Variants in DYNC1I1 observed in about 807,000 individuals in gnomAD.
DYNC1I1 encodes the protein dynein cytoplasmic 1 intermediate chain 1, also known as cytoplasmic dynein 1 intermediate chain 1.
In DYNC1I1, 43 loss-of-function variants were observed where a neutral mutation model predicts 86.6. That is an observed-to-expected ratio of 0.50 (90% CI 0.39 to 0.64). DYNC1I1 has a LOEUF of 0.64. DYNC1I1 is among the 30% of genes least tolerant of loss of function. The pLI is 0.00. For missense variants in DYNC1I1, 604 were observed against 788.8 expected (o/e 0.77, Z 2.81); for synonymous variants, 262 against 283.7 (o/e 0.92, Z 0.77).
intron 6 of DYNC1I1, among the ~76,000 whole-genome samples, chr7:95,947,827 T>C (rs1284458911): frequency 6.6e-6 from 1 of 152,144 alleles, no homozygotes; most frequent in African/African-American, 2.4e-5. Context: ...GAAAAACACC[T>C]TTTCAAGCAT....
rs374207801 is a variant in DYNC1I1, at chr7:95,967,549, G to C, written c.491-9963G>C. ...GTGTATTGCCAAATGCCACCTCTCA[G>C]TAAGGACCTCCCTTGCTCTCTGTGT... is the stretch of plus-strand genomic sequence containing the variant. On this transcript the variant is annotated intron_variant, in intron 6 of 16. Transcript: ENST00000447467. Among the ~76,000 whole-genome samples the C allele has an allele frequency of 2.0e-4, 31 of 152,282 alleles. No homozygotes were observed. In the East Asian group the frequency reaches 3.9e-3, roughly 19 times the overall value.
chr7:95,916,869 C>G (rs149817449), intron 6 of DYNC1I1, among the ~76,000 whole-genome samples: 2 of 152,160 alleles, frequency 1.3e-5, no homozygotes, highest in African/African-American at 2.4e-5. Context: ...GCAATCAGAA[C>G]GAGAAAACTG....
intron 5 of DYNC1I1, among the ~76,000 whole-genome samples, chr7:95,859,294 TCAGG>T (rs1454953268): frequency 3.9e-5 from 6 of 152,122 alleles, no homozygotes; most frequent in Admixed American, 6.6e-5. Flanking sequence ...GAATTCTTTG[TCAGG>T]CAGTTCATAT....
chr7:95,935,094 T>C (rs190058537), intron 6 of DYNC1I1, among the ~76,000 whole-genome samples: 35 of 152,080 alleles, frequency 2.3e-4, no homozygotes. Context: ...TCACCTTGCT[T>C]GAGTGAAATG....
At chr7:96,013,871 GATCC>G (rs1324762195) in intron 10 of DYNC1I1, among the ~76,000 whole-genome samples, 2 of 152,108 alleles carry the variant, frequency 1.3e-5, no homozygotes, top group African/African-American at 4.8e-5. Context: ...AACTCCAAAG[GATCC>G]ATTTTATTGT....
At chr7:95,809,601 T>C (rs1019591924) in intron 2 of DYNC1I1, among the ~76,000 whole-genome samples, 2 of 152,130 alleles carry the variant, frequency 1.3e-5, no homozygotes, top group African/African-American at 4.8e-5. Flanking sequence ...CCACCACAGA[T>C]CTTGTTTACC....
intron 5 of DYNC1I1, among the ~76,000 whole-genome samples, chr7:95,858,818 T>C (rs1172336522): frequency 6.6e-6 from 1 of 150,584 alleles, no homozygotes; most frequent in East Asian, 1.9e-4. Context: ...AGACTCAAAA[T>C]TTACCCTTTA....
At chr7:96,062,643 A>C (rs1191866491) in intron 14 of DYNC1I1, among the ~76,000 whole-genome samples, 2 of 152,116 alleles carry the variant, frequency 1.3e-5, no homozygotes, top group African/African-American at 4.8e-5. Context: ...GAACTGCAGA[A>C]ATGTATTCAA....
chr7:95,774,625 T>G (rs545302469), intron 1 of DYNC1I1, among the ~76,000 whole-genome samples: 1 of 152,314 alleles, frequency 6.6e-6, no homozygotes, highest in Non-Finnish European at 1.5e-5. Flanking sequence ...TCAGTCACCA[T>G]GTTTTATATC....
At chr7:96,066,567 G>A (rs1308241475) in intron 14 of DYNC1I1, among the ~76,000 whole-genome samples, 1 of 152,120 alleles carries the variant, frequency 6.6e-6, no homozygotes, top group African/African-American at 2.4e-5. Flanking sequence ...TAAAAACCTG[G>A]GTACCTCCTT....
chr7:96,085,387 A>G (rs1207037088), intron 16 of DYNC1I1, among the ~76,000 whole-genome samples: 1 of 151,624 alleles, frequency 6.6e-6, no homozygotes, highest in Non-Finnish European at 1.5e-5. Context: ...TTTTTGTTAC[A>G]TTTAAATGAC....
chr7:95,844,088 A>G (rs908754210), intron 5 of DYNC1I1, among the ~76,000 whole-genome samples: 3 of 152,210 alleles, frequency 2.0e-5, no homozygotes, highest in Non-Finnish European at 4.4e-5. Context: ...GCTGAGAACA[A>G]CATAAGAAGA....
rs540035887 is a variant in DYNC1I1 at position 96,097,142 on chromosome 7, A to G, written c.1777-341A>G. Among the ~76,000 whole-genome samples, 6 of 152,244 alleles carry G rather than the reference A, an allele frequency of 3.9e-5. No individual in the cohort carries two copies. The South Asian group carries it at 1.0e-3, about 26-fold the overall frequency. ...ATCTTGGTCATTATATGCAGTTTTTATTTGCGTGTTCACTGTAAGTCTGGT... is the reference window on the plus strand; with the variant it reads ...ATCTTGGTCATTATATGCAGTTTTTGTTTGCGTGTTCACTGTAAGTCTGGT... On this transcript the variant is annotated intron_variant, in intron 16 of 16. Coordinates refer to ENST00000447467, the MANE Select transcript of DYNC1I1 (RefSeq NM_001135556.2).
At chr7:95,925,545 C>G (rs1791721241) in intron 6 of DYNC1I1, among the ~76,000 whole-genome samples, 1 of 152,148 alleles carries the variant, frequency 6.6e-6, no homozygotes. Context: ...AGATTCTAAA[C>G]AGAAATGGCT....
intron 16 of DYNC1I1, among the ~76,000 whole-genome samples, chr7:96,082,497 T>C (rs1268237079): frequency 6.6e-6 from 1 of 152,174 alleles, no homozygotes; most frequent in Non-Finnish European, 1.5e-5. Context: ...TAAGATTGTA[T>C]ACAATATTAT....
chr7:96,019,197 C>T (rs1388030409), intron 10 of DYNC1I1, among the ~76,000 whole-genome samples: 1 of 152,082 alleles, frequency 6.6e-6, no homozygotes, highest in Non-Finnish European at 1.5e-5. Context: ...AATCTGCTCT[C>T]TGCAATTTTT....
At chr7:96,040,835 C>A (rs1479720321) in intron 14 of DYNC1I1, among the ~76,000 whole-genome samples, 2 of 151,928 alleles carry the variant, frequency 1.3e-5, no homozygotes, top group Non-Finnish European at 2.9e-5. Context: ...GATTCTCCTG[C>A]CTCAACCTCC....
chr7:95,851,922 A>T (rs1182820), intron 5 of DYNC1I1, among the ~76,000 whole-genome samples: 1 of 151,948 alleles, frequency 6.6e-6, no homozygotes, highest in African/African-American at 2.4e-5. Flanking sequence ...CCTTGGCCTC[A>T]CAAAGTGCTG....
intron 6 of DYNC1I1, among the ~76,000 whole-genome samples, chr7:95,938,686 A>T (rs1394516486): frequency 6.6e-6 from 1 of 152,112 alleles, no homozygotes; most frequent in East Asian, 1.9e-4. Flanking sequence ...GTAAAGATGT[A>T]ATGAGTAATA....
Sources: allele counts gnomAD v4.1 joint callset (sites outside exome capture counted in the v4.1 genomes callset), GRCh38; gene constraint gnomAD v4.1.1; transcripts MANE v1.5; gene names NCBI Gene and HGNC (gene_info 2026-07-23, HGNC 2026-07-21).